NARS2: variants seen among roughly 807,000 people sequenced by gnomAD.
The protein encoded by NARS2 is asparaginyl-tRNA synthetase.
A neutral mutation model predicts 62.9 loss-of-function variants in NARS2; 60 were observed. The observed-to-expected ratio is 0.95, with a 90% CI of 0.77 to 1.18. The LOEUF is 1.18. Ranked by LOEUF, NARS2 falls within the 50% of genes most tolerant of loss-of-function variation. The pLI is 0.00. For synonymous variants in NARS2, 196 were observed against 200.0 expected, an observed-to-expected ratio of 0.98 and a Z score of 0.17; for missense variants, 619 against 576.4, an observed-to-expected ratio of 1.07 and a Z score of -0.76.
intron 6 of NARS2, among the ~76,000 whole-genome samples, chr11:78,520,157 TAAA>T (rs1340903247): frequency 6.6e-6 from 1 of 152,232 alleles, no homozygotes; most frequent in Non-Finnish European, 1.5e-5. Context: ...TCTGTTGGCT[TAAA>T]ACAACAGAAA....
chr11:78,570,577 G>T (rs1053595891), intron 2 of NARS2, among the ~76,000 whole-genome samples: 14 of 152,212 alleles, frequency 9.2e-5, no homozygotes, highest in African/African-American at 3.1e-4. Context: ...TGGTAGAGAC[G>T]GGGTTTTAAT....
At chr11:78,500,511 T>C (rs1423852541) in intron 6 of NARS2, among the ~76,000 whole-genome samples, 2 of 152,156 alleles carry the variant, frequency 1.3e-5, no homozygotes, top group Non-Finnish European at 2.9e-5. Flanking sequence ...TCTTGCTCTA[T>C]CACCCAGGCT....
Position 78,574,450 on chromosome 11 carries a change from G to A in NARS2, c.39C>T (p.Phe13=), listed in dbSNP as rs1311537656. ...GVRCLLRSVR[F]CSSAPFPKHK... Reference sequence around the variant, plus strand: ...GCTTGGGGAAGGGGGCGGAGGAACAGAAGCGCACGGACCGCAGCAGGCAGC... The same window carrying A: ...GCTTGGGGAAGGGGGCGGAGGAACAAAAGCGCACGGACCGCAGCAGGCAGC... Residue 13 remains phenylalanine, a synonymous_variant, in exon 1 of 14, where the codon TTC becomes TTT. Coordinates refer to ENST00000281038, the MANE Select transcript of NARS2 (RefSeq NM_024678.6). 11 of 1,613,808 alleles carry A rather than the reference G, an allele frequency of 6.8e-6. No individual in the cohort carries two copies. Among genetic ancestry groups the A allele is most frequent in the Non-Finnish European group, 9.3e-6 (11 of 1,179,966 alleles).
At chr11:78,540,222 G>C (rs1363422962) in intron 5 of NARS2, among the ~76,000 whole-genome samples, 2 of 152,184 alleles carry the variant, frequency 1.3e-5, no homozygotes, top group Admixed American at 1.3e-4. Flanking sequence ...GTATCCCAGT[G>C]AATTTCTTAC....
intron 11 of NARS2, among the ~76,000 whole-genome samples, chr11:78,463,974 T>C (rs1037486172): frequency 1.3e-5 from 2 of 152,208 alleles, no homozygotes; most frequent in African/African-American, 4.8e-5. Context: ...GGTGGGTTCT[T>C]GGTCTCACTG....
chr11:78,554,137 T>C (rs1021064076), intron 5 of NARS2, among the ~76,000 whole-genome samples: 2 of 152,192 alleles, frequency 1.3e-5, no homozygotes, highest in Non-Finnish European at 2.9e-5. Context: ...GTTTTGGGAG[T>C]GGAGCCTTGT....
Position 78,493,136 on chromosome 11 carries a change from C to T in NARS2, c.749G>A (p.Arg250Gln), listed in dbSNP as rs150879145. ...CATATAAAACTCTGCCAGGTGCCTC[C>T]GGCTCTGAGAATTTTCAGCTCGGAA... ...PTFRAENSQS[R>Q]RHLAEFYMIE... Residue 250 changes from arginine to glutamine, a missense_variant, in exon 7 of 14, where the codon CGG becomes CAG. By Grantham distance (43) the Arg-to-Gln change is conservative. Coordinates refer to ENST00000281038, the MANE Select transcript of NARS2 (RefSeq NM_024678.6). 3.5e-5 allele frequency: 56 copies of T among 1,613,606 alleles called. No individual in the cohort carries two copies. The highest frequency in any genetic ancestry group is 4.7e-5 in the Non-Finnish European group (55 of 1,179,750).
At chr11:78,466,985 T>C (rs185914072) in intron 10 of NARS2, among the ~76,000 whole-genome samples, 2 of 152,190 alleles carry the variant, frequency 1.3e-5, no homozygotes, top group African/African-American at 4.8e-5. Context: ...GAAAAAGAAA[T>C]GAAAACTTAC....
chr11:78,524,783 T>A (rs1474835330), intron 6 of NARS2, among the ~76,000 whole-genome samples: 1 of 152,018 alleles, frequency 6.6e-6, no homozygotes, highest in Non-Finnish European at 1.5e-5. Context: ...CTAAATACCA[T>A]CTTCTAATAA....
At position 78,566,608 on chromosome 11, in the gene NARS2, T is replaced by C. The variant is rs375586025; in HGVS notation, c.373-336A>G. On this transcript the variant is annotated intron_variant, in intron 3 of 13. Transcript: ENST00000281038. Reference sequence around the variant, plus strand: ...AGGTTAGGATTAATTATGCAAAATATCCACTGTTTGGCACACAGGAGTTCA... The same window carrying C: ...AGGTTAGGATTAATTATGCAAAATACCCACTGTTTGGCACACAGGAGTTCA... 8.5e-5 allele frequency among the ~76,000 whole-genome samples: 13 copies of C among 152,336 alleles called. No individual in the cohort carries two copies. The East Asian group carries it at 2.1e-3, about 25-fold the overall frequency.
chr11:78,502,130 A>G (rs992907757), intron 6 of NARS2, among the ~76,000 whole-genome samples: 1 of 152,266 alleles, frequency 6.6e-6, no homozygotes, highest in African/African-American at 2.4e-5. Context: ...AAATCTATAA[A>G]AACAGAAAGC....
chr11:78,469,835 C>G (rs1340871346), intron 9 of NARS2, among the ~76,000 whole-genome samples: 1 of 151,704 alleles, frequency 6.6e-6, no homozygotes, highest in Non-Finnish European at 1.5e-5. Flanking sequence ...GCTATTCGTG[C>G]TATGAAGAAA....
intron 2 of NARS2, among the ~76,000 whole-genome samples, chr11:78,569,675 A>G (rs1216502028): frequency 2.6e-5 from 4 of 152,196 alleles, no homozygotes; most frequent in Non-Finnish European, 4.4e-5. Context: ...GGGTGGGGAA[A>G]TCTGGTATAC....
At chr11:78,476,451 AC>A (rs1438375492) in intron 9 of NARS2, among the ~76,000 whole-genome samples, 1 of 152,210 alleles carries the variant, frequency 6.6e-6, no homozygotes, top group Non-Finnish European at 1.5e-5. Flanking sequence ...TATTGTGCCT[AC>A]TTAGGGAAGG....
intron 9 of NARS2, among the ~76,000 whole-genome samples, chr11:78,474,125 TA>T (rs1211405971): frequency 6.6e-6 from 1 of 152,204 alleles, no homozygotes; most frequent in Non-Finnish European, 1.5e-5. Flanking sequence ...TTTTAAGTAT[TA>T]TTTTTAGATG....
At chr11:78,453,901 C>T (rs1340379538) in intron 11 of NARS2, among the ~76,000 whole-genome samples, 1 of 152,310 alleles carries the variant, frequency 6.6e-6, no homozygotes, top group East Asian at 1.9e-4. Context: ...CTGCTGCTGT[C>T]TGAAAGAGGC....
At chr11:78,457,606 T>C (rs1858212594) in intron 11 of NARS2, among the ~76,000 whole-genome samples, 1 of 152,228 alleles carries the variant, frequency 6.6e-6, no homozygotes, top group Non-Finnish European at 1.5e-5. Flanking sequence ...TCTGAGAAGC[T>C]ATATACTCTA....
chr11:78,499,106 C>T (rs564545883), intron 6 of NARS2, among the ~76,000 whole-genome samples: 39 of 151,638 alleles, frequency 2.6e-4, no homozygotes, highest in African/African-American at 8.5e-4. Flanking sequence ...TCAGTAGAGA[C>T]GGGGTTTCAC....
intron 6 of NARS2, among the ~76,000 whole-genome samples, chr11:78,519,724 G>C (rs1861043014): frequency 6.6e-6 from 1 of 150,722 alleles, no homozygotes; most frequent in Non-Finnish European, 1.5e-5. Flanking sequence ...TTTTGAGACG[G>C]AGTTTCACTC....
Sources: gnomAD v4.1 joint callset for allele counts (sites outside exome capture counted in the v4.1 genomes callset) on GRCh38, gnomAD v4.1.1 for gene constraint, MANE v1.5 for transcripts, NCBI Gene and HGNC (gene_info 2026-07-23, HGNC 2026-07-21) for gene names.